Variants in USP34 observed in about 807,000 individuals in gnomAD.
USP34 encodes the protein ubiquitin carboxyl-terminal hydrolase 34.
Under a neutral mutation model 460.3 loss-of-function variants are expected in USP34, and 70 were observed. The observed-to-expected ratio is 0.15, with a 90% CI of 0.13 to 0.19. The LOEUF (loss-of-function observed/expected upper bound fraction) is 0.19, where lower values mean the gene tolerates loss of function less well. Among genes scored for constraint, USP34 ranks in the 10% least tolerant of loss-of-function variants. The probability of loss-of-function intolerance (pLI) is 1.00; values close to 1 mark genes in which losing one functional copy is unlikely to be tolerated. For synonymous variants in USP34, 1,647 were observed against 1,405.3 expected (o/e 1.17, Z -3.85); for missense variants, 3,985 against 4,236.2 (o/e 0.94, Z 1.65).
At chr2:61,320,186 T>C (rs1405869719) in intron 21 of USP34, among the ~76,000 whole-genome samples, 3 of 152,250 alleles carry the variant, frequency 2.0e-5, no homozygotes, top group African/African-American at 7.2e-5. Flanking sequence ...TTTGTATTCA[T>C]TCATTTGCTC....
chr2:61,270,868 C>T (rs1689192721), intron 41 of USP34, among the ~76,000 whole-genome samples: 1 of 152,208 alleles, frequency 6.6e-6, no homozygotes, highest in South Asian at 2.1e-4. Flanking sequence ...AAAACATAGG[C>T]TAAACTGAAC....
intron 2 of USP34, among the ~76,000 whole-genome samples, chr2:61,412,189 CAAAAAAAA>C: frequency 1.1e-5 from 1 of 92,126 alleles, no homozygotes; most frequent in South Asian, 3.4e-4. Flanking sequence ...AACTCCATCT[CAAAAAAAA>C]AAAAAAAAAA....
chr2:61,423,491 G>T (rs866721444), intron 1 of USP34, among the ~76,000 whole-genome samples: 2 of 152,066 alleles, frequency 1.3e-5, no homozygotes, highest in African/African-American at 4.8e-5. Flanking sequence ...AAACAAGGAG[G>T]AAAAGACTTG....
chr2:61,331,470 A>T, intron 19 of USP34, 99 bp from the exon 20 acceptor site: 1 of 983,852 alleles, frequency 1.0e-6, no homozygotes, highest in Non-Finnish European at 1.4e-6. Context: ...AAAATCTTCA[A>T]ATGTAAAATT....
chr2:61,225,370 A>G (rs1687697766), intron 62 of USP34, among the ~76,000 whole-genome samples: 1 of 152,068 alleles, frequency 6.6e-6, no homozygotes, highest in Non-Finnish European at 1.5e-5. Context: ...AAATTTTACA[A>G]TTCTTTTTGT....
At chr2:61,190,792 C>T in intron 76 of USP34, 134 bp from the exon 77 acceptor site, 1 of 1,078,272 alleles carries the variant, frequency 9.3e-7, no homozygotes. Flanking sequence ...ACTTGAAAAG[C>T]CATGTCTAAC....
intron 10 of USP34, among the ~76,000 whole-genome samples, chr2:61,363,829 A>T (rs1183777227): frequency 2.8e-5 from 4 of 140,640 alleles, no homozygotes; most frequent in African/African-American, 5.1e-5. Flanking sequence ...GGATGAATAA[A>T]ATGCAGTATA....
At chr2:61,222,538 C>G (rs1055420035) in intron 65 of USP34, 81 bp downstream of exon 65, 4 of 1,160,292 alleles carry the variant, frequency 3.4e-6, no homozygotes, top group Non-Finnish European at 5.0e-6. Flanking sequence ...AATTTGTTCT[C>G]GAGAACAATT....
chr2:61,443,724 C>T (rs1238587292), intron 1 of USP34, among the ~76,000 whole-genome samples: 1 of 152,158 alleles, frequency 6.6e-6, no homozygotes, highest in African/African-American at 2.4e-5. Flanking sequence ...AGTGAAACTA[C>T]TTTGTACGAC....
At chr2:61,421,452 C>G (rs901247799) in intron 1 of USP34, among the ~76,000 whole-genome samples, 3 of 152,196 alleles carry the variant, frequency 2.0e-5, no homozygotes, top group African/African-American at 7.2e-5. Flanking sequence ...TTGAACATAA[C>G]CATTCTTATA....
At chr2:61,220,223 G>A in intron 67 of USP34, 87 bp downstream of exon 67, 1 of 1,083,256 alleles carries the variant, frequency 9.2e-7, no homozygotes, top group South Asian at 2.2e-5. Context: ...TACAACAATG[G>A]GCATGTCGTA....
Position 61,278,435 on chromosome 2 carries a change from G to C in USP34, c.5265C>G (p.Leu1755=), listed in dbSNP as rs762698136. Reference sequence around the variant, plus strand: ...GTCTTGCCAAGGCATCTAAGTCGAGGAGCGTTGTCTTAATACAAAAAGAAA... The same window carrying C: ...GTCTTGCCAAGGCATCTAAGTCGAGCAGCGTTGTCTTAATACAAAAAGAAA... ...IHIKDASQTT[L]LDLDALARHL... Residue 1755 remains leucine, a synonymous_variant, in exon 40 of 80, where the codon CTC becomes CTG. Coordinates refer to ENST00000398571, the MANE Select transcript of USP34 (RefSeq NM_014709.4). The C allele has an allele frequency of 6.3e-7, 1 of 1,581,478 alleles. No homozygotes were observed. The highest frequency in any genetic ancestry group is 1.9e-5 in the Admixed American group (1 of 51,520).
chr2:61,443,753 T>C (rs1339753248), intron 1 of USP34, among the ~76,000 whole-genome samples: 1 of 152,172 alleles, frequency 6.6e-6, no homozygotes, highest in Non-Finnish European at 1.5e-5. Context: ...GGTGGATATG[T>C]TATTACACAT....
intron 1 of USP34, among the ~76,000 whole-genome samples, chr2:61,424,135 T>C (rs1337504335): frequency 6.6e-6 from 1 of 152,082 alleles, no homozygotes; most frequent in African/African-American, 2.4e-5. Context: ...CTCGTGAGCA[T>C]ATATACTGAA....
Position 61,246,431 on chromosome 2 carries a change from T to C in USP34, c.6441A>G (p.Glu2147=), listed in dbSNP as rs1233024428. ...GAACAGTCACTCCTATCAAGTCATA[T>C]TCATAGCTCTCTGAGTCTTTTGAAT... ...SDHSKDSESY[E]YDLIGVTVHT... The change falls in exon 50 of 80, where the codon GAA becomes GAG. Residue 2147 remains glutamate (E), a synonymous_variant. Transcript: ENST00000398571. The C allele has an allele frequency of 1.9e-6, 3 of 1,605,766 alleles. No individual in the cohort carries two copies. The highest frequency in any genetic ancestry group is 1.3e-5 in the African/African-American group (1 of 74,732).
At chr2:61,357,081 C>G (rs767787858) in intron 10 of USP34, among the ~76,000 whole-genome samples, 2 of 152,120 alleles carry the variant, frequency 1.3e-5, no homozygotes, top group Non-Finnish European at 2.9e-5. Context: ...CTGAACAACA[C>G]AATAAGCCAA....
intron 10 of USP34, among the ~76,000 whole-genome samples, chr2:61,352,325 A>G (rs890779372): frequency 6.6e-6 from 1 of 151,880 alleles, no homozygotes; most frequent in Non-Finnish European, 1.5e-5. Flanking sequence ...TATATAGTAT[A>G]TGTATATACT....
intron 33 of USP34, among the ~76,000 whole-genome samples, chr2:61,292,694 A>T (rs1355776841): frequency 1.3e-5 from 2 of 152,204 alleles, no homozygotes; most frequent in Non-Finnish European, 2.9e-5. Flanking sequence ...ACAGGAACTA[A>T]GAAAATACTT....
chr2:61,282,194 T>A lies in USP34; in HGVS notation c.4998+951A>T, dbSNP rs1039001010. Among the ~76,000 whole-genome samples, 3 of 152,202 alleles carry A rather than the reference T, an allele frequency of 2.0e-5. No individual in the cohort carries two copies. In the East Asian group the frequency reaches 5.8e-4, roughly 29 times the overall value. On this transcript the variant is annotated intron_variant, in intron 37 of 79. Coordinates refer to ENST00000398571, the MANE Select transcript of USP34 (RefSeq NM_014709.4). ...TTAGTAGGGATAGGGTTTCACCATG[T>A]TGGCCAGGCTGGTCTTGCATTCCTG...
Sources: gnomAD v4.1 joint callset for allele counts (sites outside exome capture counted in the v4.1 genomes callset) on GRCh38, gnomAD v4.1.1 for gene constraint, MANE v1.5 for transcripts, NCBI Gene and HGNC (gene_info 2026-07-23, HGNC 2026-07-21) for gene names.